Variants in PHF19 observed in about 807,000 individuals in gnomAD.
The protein encoded by PHF19 is polycomb like 3.
In PHF19, 21 loss-of-function variants were observed where a neutral mutation model predicts 79.8. The ratio of observed to expected loss-of-function variants is 0.26; its 90% CI spans 0.19 to 0.38. The LOEUF is 0.38. Ranked by LOEUF, PHF19 falls within the 10% of genes least tolerant of loss-of-function variation. The probability of loss-of-function intolerance (pLI) is 1.00; values close to 1 mark genes in which losing one functional copy is unlikely to be tolerated. For missense variants in PHF19, 445 were observed against 744.2 expected, an observed-to-expected ratio of 0.60 and a Z score of 4.68; for synonymous variants, 273 against 296.3, an observed-to-expected ratio of 0.92 and a Z score of 0.81.
At chr9:120,892,588 G>C (rs2046356652) in intron 1 of PHF19, among the ~76,000 whole-genome samples, 1 of 152,178 alleles carries the variant, frequency 6.6e-6, no homozygotes, top group Non-Finnish European at 1.5e-5. Flanking sequence ...AGAAAGGTCA[G>C]AGGGCAATTT....
At chr9:120,887,647 CACACAG>C (rs57573124) in intron 1 of PHF19, among the ~76,000 whole-genome samples, 6,394 of 44,780 alleles carry the variant, frequency 0.14, 312 homozygotes, top group African/African-American at 0.22. Context: ...CACACACACA[CACACAG>C]ACACACACAC....
chr9:120,877,326 T>C, upstream of PHF19: 1 of 981,100 alleles, frequency 1.0e-6, no homozygotes, highest in Non-Finnish European at 1.2e-6. Flanking sequence ...CGCCATCTTT[T>C]TCGCGTTTTC....
intron 3 of PHF19, among the ~76,000 whole-genome samples, chr9:120,873,181 TCTC>T (rs1484986115): frequency 2.6e-5 from 4 of 152,228 alleles, no homozygotes; most frequent in Non-Finnish European, 5.9e-5. Context: ...CCATGTCTCT[TCTC>T]CTGTTAGAGT....
At chr9:120,883,050 C>A (rs145153360) in intron 1 of PHF19, among the ~76,000 whole-genome samples, 6 of 152,036 alleles carry the variant, frequency 3.9e-5, no homozygotes, top group African/African-American at 1.5e-4. Context: ...GTAGAAAGCA[C>A]GGTTATTAAC....
In PHF19 at chr9:120,869,334, G is replaced by T; in HGVS notation, c.466-4C>A. The T allele has an allele frequency of 1.2e-6, 2 of 1,611,326 alleles. No homozygotes were observed. Among genetic ancestry groups the T allele is most frequent in the Non-Finnish European group, 1.7e-6 (2 of 1,179,322 alleles). On this transcript the variant is annotated splice_region_variant and splice_polypyrimidine_tract_variant and intron_variant, in intron 5 of 14. Transcript: ENST00000373896. The surrounding 1 kb of genome is among the most constrained non-coding windows in gnomAD (Gnocchi z 5.8). The stretch of plus-strand genomic sequence containing the variant: ...CCTTCTTCAGCGCGCCGCCTTTCTG[G>T]GGGGAGACGAGGGCCCCAGTCAACC...
Position 120,874,082 on chromosome 9 carries a change from G to A in PHF19, c.187-22C>T. 1 of 1,431,720 alleles carries A rather than the reference G, an allele frequency of 7.0e-7. No individual in the cohort carries two copies. The highest frequency in any genetic ancestry group is 9.8e-7 in the Non-Finnish European group (1 of 1,021,540). 88.7% of individuals were successfully genotyped at this position (1,431,720 alleles called of 1,614,324 possible). A position where few individuals can be genotyped will look rare whatever the true frequency, so the allele number is the denominator to read the frequency against. On this transcript the variant is annotated intron_variant, in intron 2 of 14. Coordinates refer to ENST00000373896, the MANE Select transcript of PHF19 (RefSeq NM_015651.3). This position sits in a 1 kb window ranked among gnomAD's most constrained non-coding sequence, Gnocchi z 4.5. The stretch of plus-strand genomic sequence containing the variant: ...TGACCTGGGGTACAGATAGGAAGGA[G>A]CAAGTGAGAAAGGGCTGGGGAAAAG...
chr9:120,859,899 C>T (rs1462009746), intron 14 of PHF19, among the ~76,000 whole-genome samples, 191 bp downstream of exon 14: 1 of 152,202 alleles, frequency 6.6e-6, no homozygotes, highest in African/African-American at 2.4e-5. Context: ...ATACTTAGGT[C>T]CCATCTAAAG....
At chr9:120,896,515 G>A (rs1275112588), upstream of PHF19, among the ~76,000 whole-genome samples, 2 of 142,458 alleles carry the variant, frequency 1.4e-5, no homozygotes, top group African/African-American at 2.6e-5. Flanking sequence ...GCAGTGGCGC[G>A]ATCTCGACTC....
intron 10 of PHF19, among the ~76,000 whole-genome samples, chr9:120,863,727 G>A (rs2045608073): frequency 6.6e-6 from 1 of 152,166 alleles, no homozygotes; most frequent in South Asian, 2.1e-4. Context: ...CGAGGATGTA[G>A]CCCACCCGAG....
intron 1 of PHF19, among the ~76,000 whole-genome samples, chr9:120,875,260 T>G (rs1274986038): frequency 6.6e-6 from 1 of 152,228 alleles, no homozygotes; most frequent in African/African-American, 2.4e-5. Context: ...TTGTAGCTAG[T>G]GTAGACTGGG....
chr9:120,891,804 A>G lies in PHF19; in HGVS notation c.42+2984T>C, dbSNP rs999534026. On this transcript the variant is annotated intron_variant, in intron 1 of 14. Coordinates refer to the PHF19 transcript ENST00000616568. The surrounding 1 kb of genome is among the most constrained non-coding windows in gnomAD (Gnocchi z 4.3). Reference sequence around the variant, plus strand: ...GGAAGCATCACAGTCACCTGGTAGAAGGATGCCTGTCTGAGCCCCACCCCA... The same window carrying G: ...GGAAGCATCACAGTCACCTGGTAGAGGGATGCCTGTCTGAGCCCCACCCCA... 2.0e-5 allele frequency among the ~76,000 whole-genome samples: 3 copies of G among 152,186 alleles called. No individual in the cohort carries two copies. Among genetic ancestry groups the G allele is most frequent in the Admixed American group, 1.3e-4 (2 of 15,280 alleles).
upstream of PHF19, among the ~76,000 whole-genome samples, chr9:120,899,829 C>T (rs957869491): frequency 6.6e-6 from 1 of 152,212 alleles, no homozygotes; most frequent in Non-Finnish European, 1.5e-5. Context: ...ATCCCCTCCT[C>T]AGTTCCCCCA....
At position 120,865,153 on chromosome 9, in the gene PHF19, C is replaced by T. The variant is rs113889663; in HGVS notation, c.900+557G>A. 5.5e-3 allele frequency among the ~76,000 whole-genome samples: 833 copies of T among 152,170 alleles called. 8 individuals carry two copies. The highest frequency in any genetic ancestry group is 0.019 in the African/African-American group (778 of 41,500). On this transcript the variant is annotated intron_variant, in intron 9 of 14. Coordinates refer to ENST00000373896, the MANE Select transcript of PHF19 (RefSeq NM_015651.3). Reference sequence around the variant, plus strand: ...TTGGGGCAGTCCATAGAGAAGATGCCTCACTCTGTATGTGGTGGAGAGGAT... The same window carrying T: ...TTGGGGCAGTCCATAGAGAAGATGCTTCACTCTGTATGTGGTGGAGAGGAT...
chr9:120,894,619 C>G (rs2046382125), intron 1 of PHF19, among the ~76,000 whole-genome samples: 1 of 151,796 alleles, frequency 6.6e-6, no homozygotes, highest in South Asian at 2.1e-4. Flanking sequence ...AAGAGAAGGC[C>G]GGGCGCGGGC....
At chr9:120,888,463 G>A (rs2046298685) in intron 1 of PHF19, among the ~76,000 whole-genome samples, 1 of 152,212 alleles carries the variant, frequency 6.6e-6, no homozygotes, top group South Asian at 2.1e-4. Context: ...TCTATCTGCT[G>A]TGATAATTCT....
At chr9:120,873,465 C>T (rs956540546) in intron 3 of PHF19, among the ~76,000 whole-genome samples, 1 of 152,238 alleles carries the variant, frequency 6.6e-6, no homozygotes, top group African/African-American at 2.4e-5. Flanking sequence ...CATCTTCACC[C>T]TGCCTGGCTC....
At chr9:120,880,355 C>T (rs993336241), upstream of PHF19, among the ~76,000 whole-genome samples, 4 of 152,152 alleles carry the variant, frequency 2.6e-5, no homozygotes, top group Non-Finnish European at 1.5e-5. Flanking sequence ...ATTAGCCGGG[C>T]ATGGTGGCGT....
upstream of PHF19, among the ~76,000 whole-genome samples, chr9:120,880,581 C>A (rs1475073447): frequency 1.3e-5 from 2 of 152,218 alleles, no homozygotes; most frequent in African/African-American, 4.8e-5. Context: ...ACTAAGTCTG[C>A]AGCCTCAACA....
chr9:120,897,664 A>C (rs2046413202), upstream of PHF19, among the ~76,000 whole-genome samples: 1 of 152,182 alleles, frequency 6.6e-6, no homozygotes, highest in South Asian at 2.1e-4. Flanking sequence ...ACATGTCATC[A>C]ATATAAAAAT....
Sources: allele counts gnomAD v4.1 joint callset (sites outside exome capture counted in the v4.1 genomes callset), GRCh38; gene constraint gnomAD v4.1.1; non-coding constraint Gnocchi (gnomAD v3.1); transcripts MANE v1.5; gene names NCBI Gene and HGNC (gene_info 2026-07-23, HGNC 2026-07-21).